The following CDK15 variants were observed in gnomAD, a reference collection of about 807,000 sequenced individuals.
CDK15 encodes cyclin dependent kinase 15, also known as cyclin-dependent kinase 15.
A neutral mutation model predicts 60.3 loss-of-function variants in CDK15; 62 were observed. The ratio of observed to expected loss-of-function variants is 1.03; its 90% CI spans 0.84 to 1.27. The LOEUF is 1.27. Among genes scored for constraint, CDK15 ranks in the 50% most tolerant of loss-of-function variants. The probability of loss-of-function intolerance (pLI) is 0.00; values close to 1 mark genes in which losing one functional copy is unlikely to be tolerated. For synonymous variants in CDK15, 194 were observed against 195.7 expected, an observed-to-expected ratio of 0.99 and a Z score of 0.07; for missense variants, 541 against 527.8, an observed-to-expected ratio of 1.03 and a Z score of -0.25.
intron 10 of CDK15, among the ~76,000 whole-genome samples, chr2:201,866,718 G>A (rs1698646111): frequency 1.3e-5 from 2 of 152,172 alleles, no homozygotes; most frequent in Admixed American, 6.5e-5. Context: ...AAATGGTGCT[G>A]TGTGAAATGC....
chr2:201,875,816 A>G (rs935072465), intron 11 of CDK15, among the ~76,000 whole-genome samples: 1 of 152,234 alleles, frequency 6.6e-6, no homozygotes, highest in Non-Finnish European at 1.5e-5. Context: ...TTTGAGTATC[A>G]GAGGATTATC....
Position 201,833,984 on chromosome 2 carries a change from T to A in CDK15, c.730+13T>A. On this transcript the variant is annotated intron_variant, in intron 7 of 13. Coordinates refer to ENST00000652192, the MANE Select transcript of CDK15 (RefSeq NM_001366386.2). ...CTGGCTGATTTTGGTAAGTCGCCCC[T>A]CGGGTCTCATTCTGGGCTGTGAACA... 6.2e-7 allele frequency: 1 copy of A among 1,612,866 alleles called. No individual in the cohort carries two copies. Among genetic ancestry groups the A allele is most frequent in the Non-Finnish European group, 8.5e-7 (1 of 1,179,364 alleles).
intron 12 of CDK15, chr2:201,889,505 G>T (rs1699568770): frequency 1.2e-6 from 1 of 833,974 alleles, no homozygotes. Flanking sequence ...AATCTGCCAG[G>T]AAGTTTTATT....
intron 12 of CDK15, chr2:201,889,073 C>T: frequency 5.1e-6 from 5 of 985,290 alleles, no homozygotes; most frequent in Non-Finnish European, 6.0e-6. Flanking sequence ...TACAAGACAA[C>T]GAGACCCCAG....
At chr2:201,875,959 G>A (rs1299961430) in intron 11 of CDK15, among the ~76,000 whole-genome samples, 3 of 152,264 alleles carry the variant, frequency 2.0e-5, no homozygotes, top group Middle Eastern at 3.4e-3. Flanking sequence ...TTTATCACAG[G>A]ATTCTTTACC....
At chr2:201,868,709 G>T (rs1464860000) in intron 10 of CDK15, among the ~76,000 whole-genome samples, 1 of 148,874 alleles carries the variant, frequency 6.7e-6, no homozygotes, top group South Asian at 2.1e-4. Flanking sequence ...CCATCAAAAA[G>T]TAGGCAAAGG....
intron 8 of CDK15, among the ~76,000 whole-genome samples, chr2:201,843,953 A>G (rs1697524894): frequency 1.3e-5 from 2 of 152,210 alleles, no homozygotes; most frequent in South Asian, 4.1e-4. Flanking sequence ...GCTGTTAAGT[A>G]TGAAAACACA....
chr2:201,843,457 C>T (rs1697494026), intron 8 of CDK15, among the ~76,000 whole-genome samples: 1 of 152,154 alleles, frequency 6.6e-6, no homozygotes. Flanking sequence ...GCTAGGATTA[C>T]AATGCTTACA....
rs552793727 is a variant in CDK15, at chr2:201,832,046, A to G, written c.607-1802A>G. ...TTTCCCTAGTCCTGCATATTGAAAA[A>G]CATTTTTTTTTTTTTTTGAGATGGA... On this transcript the variant is annotated intron_variant, in intron 6 of 13. Coordinates refer to ENST00000652192, the MANE Select transcript of CDK15 (RefSeq NM_001366386.2). Among the ~76,000 whole-genome samples the G allele has an allele frequency of 2.7e-5, 4 of 145,902 alleles. No homozygotes were observed. The South Asian group carries it at 7.0e-4, about 25-fold the overall frequency.
In CDK15 at chr2:201,881,497, C is replaced by A. The variant is rs538745850; in HGVS notation, c.1198+1330C>A. On this transcript the variant is annotated intron_variant, in intron 12 of 13. Transcript: ENST00000652192. ...GGGTGAGGAAGAGGAAACGGGGCAC[C>A]CTCGCACACATATCAGCACACATCA... Among the ~76,000 whole-genome samples, 3 of 152,204 alleles carry A rather than the reference C, an allele frequency of 2.0e-5. No individual in the cohort carries two copies. The South Asian group carries it at 6.2e-4, about 32-fold the overall frequency.
At chr2:201,857,847 C>G (rs1698210344) in intron 10 of CDK15, among the ~76,000 whole-genome samples, 1 of 152,130 alleles carries the variant, frequency 6.6e-6, no homozygotes, top group African/African-American at 2.4e-5. Flanking sequence ...CCCTACCCAT[C>G]CCCATCCCTG....
chr2:201,841,357 ATTG>A (rs1424562048), intron 8 of CDK15, among the ~76,000 whole-genome samples: 1 of 152,180 alleles, frequency 6.6e-6, no homozygotes, highest in Non-Finnish European at 1.5e-5. Flanking sequence ...ATTCCATTTG[ATTG>A]TTGTTTTCCT....
chr2:201,829,532 C>G (rs12185749), intron 6 of CDK15, among the ~76,000 whole-genome samples: 1 of 151,918 alleles, frequency 6.6e-6, no homozygotes, highest in East Asian at 1.9e-4. Context: ...GGAGAGATAC[C>G]ATGAATTGTG....
intron 10 of CDK15, chr2:201,861,604 A>T: frequency 2.3e-6 from 2 of 856,884 alleles, no homozygotes; most frequent in Non-Finnish European, 2.7e-6. Flanking sequence ...CTTGTCACCC[A>T]GGCTGGAGTG....
intron 6 of CDK15, 124 bp downstream of exon 6, chr2:201,823,851 C>A: frequency 6.8e-6 from 5 of 735,686 alleles, no homozygotes; most frequent in South Asian, 4.5e-5. Context: ...ACTGATATTC[C>A]AGAAAAAAGT....
At chr2:201,860,861 C>A (rs753180152) in intron 10 of CDK15, 11 of 1,351,802 alleles carry the variant, frequency 8.1e-6, no homozygotes, top group Non-Finnish European at 9.8e-7. Context: ...AGCTTCACTG[C>A]GTCTGAAACC....
chr2:201,865,766 T>C (rs1057483344), intron 10 of CDK15, among the ~76,000 whole-genome samples: 1 of 151,966 alleles, frequency 6.6e-6, no homozygotes, highest in Middle Eastern at 3.2e-3. Context: ...GGTGTGTGCC[T>C]ATAGTCCCAG....
chr2:201,812,179 AAAAAAAAAAAAAC>A (rs1695801340), intron 3 of CDK15, among the ~76,000 whole-genome samples: 1 of 147,490 alleles, frequency 6.8e-6, no homozygotes, highest in Non-Finnish European at 1.5e-5. Flanking sequence ...GTCTCAAAAA[AAAAAAAAAAAAAC>A]AAAAAAACAA....
intron 10 of CDK15, among the ~76,000 whole-genome samples, chr2:201,863,622 C>T (rs1376331639): frequency 2.0e-5 from 3 of 151,822 alleles, no homozygotes; most frequent in Non-Finnish European, 4.4e-5. Context: ...GAGGCCGAGG[C>T]GGGCGGATCA....
Sources: gnomAD v4.1 joint callset for allele counts (sites outside exome capture counted in the v4.1 genomes callset) on GRCh38, gnomAD v4.1.1 for gene constraint, MANE v1.5 for transcripts, NCBI Gene and HGNC (gene_info 2026-07-23, HGNC 2026-07-21) for gene names.